Variants in TLE2 observed in about 807,000 individuals in gnomAD.
TLE2 encodes the protein TLE family member 2, transcriptional corepressor, also known as transducin-like enhancer protein 2.
A neutral mutation model predicts 97.2 loss-of-function variants in TLE2; 74 were observed. The ratio of observed to expected loss-of-function variants is 0.76; its 90% CI spans 0.63 to 0.92. The LOEUF (loss-of-function observed/expected upper bound fraction) is 0.92. Among genes scored for constraint, TLE2 ranks in the 40% least tolerant of loss-of-function variants. The probability of loss-of-function intolerance (pLI) is 0.00; values close to 1 mark genes in which losing one functional copy is unlikely to be tolerated. For missense variants in TLE2, 1,038 were observed against 1,008.7 expected, an observed-to-expected ratio of 1.03 and a Z score of -0.39; for synonymous variants, 499 against 432.1, an observed-to-expected ratio of 1.15 and a Z score of -1.92.
upstream of TLE2, among the ~76,000 whole-genome samples, chr19:3,032,973 G>A (rs979551410): frequency 1.3e-5 from 2 of 149,298 alleles, no homozygotes; most frequent in African/African-American, 2.5e-5. The surrounding 1 kb of genome is among the most constrained non-coding windows in gnomAD (Gnocchi z 4.1). Context: ...ATGCTCTGTC[G>A]TCCAGGCTGG....
At chr19:3,031,683 A>G (rs1224843581), upstream of TLE2, among the ~76,000 whole-genome samples, 1 of 151,946 alleles carries the variant, frequency 6.6e-6, no homozygotes, top group Non-Finnish European at 1.5e-5. Context: ...CACTCTGCCC[A>G]AGTCACACTG....
Position 2,997,729 on chromosome 19 carries a change from G to T in TLE2, c.*119C>A. 1.4e-6 allele frequency: 1 copy of T among 712,070 alleles called. No homozygotes were observed. 44.1% of individuals were successfully genotyped at this position (712,070 alleles called of 1,614,324 possible). On this transcript the variant is annotated 3_prime_UTR_variant, in exon 20 of 20. Transcript: ENST00000262953. The stretch of plus-strand genomic sequence containing the variant: ...GGGGAAGGTGTGAAGCCGTTGGCCA[G>T]AGAGCAGATGGGATGTACGGTTCCT...
rs1305791486 is a variant in TLE2 at position 3,019,489 on chromosome 19, C to CGGGGCGG, written c.370-33_370-27dup. On this transcript the variant is annotated intron_variant, in intron 6 of 19. Coordinates refer to ENST00000262953, the MANE Select transcript of TLE2 (RefSeq NM_003260.5). The surrounding 1 kb of genome is among the most constrained non-coding windows in gnomAD (Gnocchi z 5.1). ...CTGCTAGAAAGGAGGCAGGATGGGC[C>CGGGGCGG]GGGGCGGGGGGCGGCAGGAGCCCAG... is the stretch of plus-strand genomic sequence containing the variant. 8 of 1,492,712 alleles carry CGGGGCGG rather than the reference C, an allele frequency of 5.4e-6. No homozygotes were observed. The Admixed American group carries it at 6.5e-5, about 12-fold the overall frequency. 92.5% of individuals were successfully genotyped at this position (1,492,712 alleles called of 1,614,324 possible). A position where few individuals can be genotyped will look rare whatever the true frequency, so the allele number is the denominator to read the frequency against.
chr19:2,997,748 G>T lies in TLE2; in HGVS notation c.*100C>A. 2 of 840,176 alleles carry T rather than the reference G, an allele frequency of 2.4e-6. No homozygotes were observed. The highest frequency in any genetic ancestry group is 3.9e-6 in the Non-Finnish European group (2 of 508,932). The allele number at this position is 840,176 out of a possible 1,614,324, so 52.0% of individuals were successfully genotyped here. A position where few individuals can be genotyped will look rare whatever the true frequency, so the allele number is the denominator to read the frequency against. ...TGGCCAGAGAGCAGATGGGATGTACGGTTCCTAGGCAGGGCTGGGAGGCGG... is the reference window on the plus strand; with the variant it reads ...TGGCCAGAGAGCAGATGGGATGTACTGTTCCTAGGCAGGGCTGGGAGGCGG... On this transcript the variant is annotated 3_prime_UTR_variant, in exon 20 of 20. Transcript: ENST00000262953.
intron 17 of TLE2, 123 bp downstream of exon 17, chr19:3,005,314 G>A (rs1019022820): frequency 2.3e-6 from 3 of 1,317,102 alleles, no homozygotes; most frequent in Admixed American, 2.7e-5. Flanking sequence ...CAAGAAAGAT[G>A]GACACCACAG....
intron 17 of TLE2, 71 bp downstream of exon 17, chr19:3,005,366 C>T (rs757527153): frequency 1.9e-5 from 30 of 1,562,000 alleles, no homozygotes; most frequent in Non-Finnish European, 2.6e-5. Flanking sequence ...GAAGTGGGCA[C>T]CTCACAAGGA....
chr19:3,016,737 C>A (rs2089715399), intron 8 of TLE2, among the ~76,000 whole-genome samples: 1 of 152,068 alleles, frequency 6.6e-6, no homozygotes, highest in African/African-American at 2.4e-5. Flanking sequence ...GGTCCAAGGT[C>A]ATGCATTCAT....
chr19:3,006,759 T>C (rs1293396640), intron 14 of TLE2, 90 bp from the exon 15 acceptor site: 1 of 1,472,380 alleles, frequency 6.8e-7, no homozygotes, highest in Non-Finnish European at 9.0e-7. Context: ...TTGTCCTGCC[T>C]GGCACCCTCT....
intron 2 of TLE2, 33 bp downstream of exon 2, chr19:3,028,673 A>T: frequency 1.2e-6 from 2 of 1,608,482 alleles, no homozygotes; most frequent in South Asian, 2.2e-5. Context: ...CGCCCAGGTG[A>T]ACTCCCGCGG....
chr19:3,000,567 C>T (rs1192804863), intron 19 of TLE2, 80 bp downstream of exon 19: 7 of 1,336,168 alleles, frequency 5.2e-6, no homozygotes, highest in Non-Finnish European at 7.3e-6. Context: ...GGGACAGGGA[C>T]AGGGGCAATC....
chr19:3,014,493 T>C (rs765770689), intron 10 of TLE2, 77 bp downstream of exon 10: 9 of 1,355,098 alleles, frequency 6.6e-6, no homozygotes, highest in Non-Finnish European at 8.8e-6. Context: ...CCACTACCTC[T>C]GGGTCCTCCC....
intron 7 of TLE2, among the ~76,000 whole-genome samples, chr19:3,018,921 G>T (rs960405767): frequency 6.6e-6 from 1 of 151,654 alleles, no homozygotes; most frequent in Non-Finnish European, 1.5e-5. Context: ...CCCAGCCTGT[G>T]CTTGACTAAT....
Position 3,005,198 on chromosome 19 carries a change from G to T in TLE2, c.1896+239C>A, listed in dbSNP as rs561955033. ...CTGGACAAAAGCAGGTGGGGAAGAT[G>T]ATCTGGGGGTCTCAGTAGCCCCACA... On this transcript the variant is annotated intron_variant, in intron 17 of 19. Coordinates refer to ENST00000262953, the MANE Select transcript of TLE2 (RefSeq NM_003260.5). 2.0e-5 allele frequency among the ~76,000 whole-genome samples: 3 copies of T among 152,292 alleles called. No individual in the cohort carries two copies. The South Asian group carries it at 6.2e-4, about 32-fold the overall frequency.
intron 14 of TLE2, among the ~76,000 whole-genome samples, chr19:3,008,304 C>T (rs2089517101): frequency 6.6e-6 from 1 of 152,176 alleles, no homozygotes; most frequent in South Asian, 2.1e-4. Context: ...CTGGCCTCCA[C>T]ACTCCAGGCC....
intron 5 of TLE2, 87 bp downstream of exon 5, chr19:3,024,933 T>C (rs1221762926): frequency 8.3e-7 from 1 of 1,198,498 alleles, no homozygotes; most frequent in Non-Finnish European, 1.2e-6. Context: ...GCAGAATCAG[T>C]GCCTGGGGCG....
upstream of TLE2, among the ~76,000 whole-genome samples, chr19:3,034,111 T>G (rs1568253881): frequency 6.6e-6 from 1 of 151,664 alleles, no homozygotes; most frequent in East Asian, 2.0e-4. Context: ...TACCCCCTGC[T>G]CCTATCAGGG....
chr19:3,037,281 T>C (rs1427879632), intron 1 of TLE2, among the ~76,000 whole-genome samples: 1 of 152,130 alleles, frequency 6.6e-6, no homozygotes, highest in Non-Finnish European at 1.5e-5. Context: ...TGAGACTCTG[T>C]CTCAAAAACA....
chr19:3,021,124 G>T lies in TLE2; in HGVS notation c.295-1351C>A, dbSNP rs1006469254. 2.3e-4 allele frequency among the ~76,000 whole-genome samples: 28 copies of T among 121,898 alleles called. 2 individuals are homozygous for T. Among genetic ancestry groups the T allele is most frequent in the African/African-American group, 3.1e-4 (10 of 32,470 alleles). 80.0% of individuals were successfully genotyped at this position (121,898 alleles called of 152,430 possible). A position where few individuals can be genotyped will look rare whatever the true frequency, so the allele number is the denominator to read the frequency against. On this transcript the variant is annotated intron_variant, in intron 5 of 19. Coordinates refer to ENST00000262953, the MANE Select transcript of TLE2 (RefSeq NM_003260.5). ...AAAAAAAAAAAAAAAAGGGGGGGGG[G>T]TGCTGAGCGTGGTGACTCACACCTG...
rs181481031 is a variant in TLE2, at chr19:3,007,119, G to A, written c.1251-450C>T. Among the ~76,000 whole-genome samples, 437 of 149,984 alleles carry A rather than the reference G, an allele frequency of 2.9e-3. 4 individuals carry two copies. The highest frequency in any genetic ancestry group is 0.011 in the African/African-American group (427 of 40,638). ...TGTTTCTTTTTTGAGATGGAGTCTC[G>A]CTCTGTCACCCAGGCTGGAGGGCAG... On this transcript the variant is annotated intron_variant, in intron 14 of 19. Transcript: ENST00000262953.
Sources: allele counts gnomAD v4.1 joint callset (sites outside exome capture counted in the v4.1 genomes callset), GRCh38; gene constraint gnomAD v4.1.1; non-coding constraint Gnocchi (gnomAD v3.1); transcripts MANE v1.5; gene names NCBI Gene and HGNC (gene_info 2026-07-23, HGNC 2026-07-21).